Variants in MRC1 observed in about 807,000 individuals in gnomAD.
MRC1 encodes macrophage mannose receptor 1.
MRC1 carries 62 observed loss-of-function variants against 102.9 expected under a neutral mutation model. The observed-to-expected ratio is 0.60, with a 90% confidence interval of 0.49 to 0.74. MRC1 has a LOEUF of 0.74. MRC1 is among the 30% of genes least tolerant of loss of function. MRC1 has a pLI of 0.00. For synonymous variants in MRC1, 457 were observed against 298.4 expected (o/e 1.53, Z -5.48); for missense variants, 1,237 against 862.8 (o/e 1.43, Z -5.43).
chr10:17,876,000 A>AT (rs1833431304), intron 17 of MRC1, among the ~76,000 whole-genome samples: 1 of 152,174 alleles, frequency 6.6e-6, no homozygotes, highest in Non-Finnish European at 1.5e-5. Context: ...TTTGATTTAC[A>AT]TTTCTCTGAT....
intron 1 of MRC1, among the ~76,000 whole-genome samples, chr10:17,811,978 T>G (rs1188844803): frequency 1.3e-5 from 2 of 152,178 alleles, no homozygotes; most frequent in Non-Finnish European, 2.9e-5. Context: ...AGCAGCAGGT[T>G]AAACTATGCG....
rs1833501512 is a variant in MRC1 at position 17,880,686 on chromosome 10, G to A, written c.2865+16G>A. 5.1e-6 allele frequency: 4 copies of A among 780,720 alleles called. No individual in the cohort carries two copies. In the Admixed American group the frequency reaches 6.8e-5, roughly 13 times the overall value. The allele number at this position is 780,720 out of a possible 1,614,324, so 48.4% of individuals were successfully genotyped here. On this transcript the variant is annotated intron_variant, in intron 20 of 29. Coordinates refer to ENST00000569591, the MANE Select transcript of MRC1 (RefSeq NM_002438.4). Reference sequence around the variant, plus strand: ...CAGCAACAAGGTACTAGGAAAATTAGTTGCAATCTTGGCACTGATCAGTAT... The same window carrying A: ...CAGCAACAAGGTACTAGGAAAATTAATTGCAATCTTGGCACTGATCAGTAT...
intron 9 of MRC1, among the ~76,000 whole-genome samples, chr10:17,859,187 C>CT (rs1387071736): frequency 6.6e-6 from 1 of 152,016 alleles, no homozygotes; most frequent in East Asian, 1.9e-4. Flanking sequence ...CTATTTTGAT[C>CT]TTTTGTTATT....
intron 2 of MRC1, 143 bp from the exon 3 acceptor site, chr10:17,827,399 A>ATCCCTCTGTGGGTGC: frequency 3.3e-6 from 1 of 301,934 alleles, no homozygotes; most frequent in Non-Finnish European, 6.2e-6. Flanking sequence ...AAAAAAAAAA[A>ATCCCTCTGTGGGTGC]AAAAAAAAAA....
intron 1 of MRC1, among the ~76,000 whole-genome samples, chr10:17,818,801 G>A (rs1838350811): frequency 6.6e-6 from 1 of 152,128 alleles, no homozygotes; most frequent in Admixed American, 6.6e-5. Flanking sequence ...TCTGTCTCAA[G>A]GAAAGAAAGA....
chr10:17,892,539 G>A (rs1404793909), intron 22 of MRC1, among the ~76,000 whole-genome samples: 11 of 152,146 alleles, frequency 7.2e-5, no homozygotes, highest in South Asian at 2.1e-4. Flanking sequence ...AGCTTTTCTC[G>A]CCATTTTCTT....
At chr10:17,868,163 T>C (rs1011961332) in intron 12 of MRC1, among the ~76,000 whole-genome samples, 12 of 152,332 alleles carry the variant, frequency 7.9e-5, no homozygotes, top group Admixed American at 2.6e-4. Flanking sequence ...TGGAGAAAAT[T>C]AGCCTTAGCC....
Position 17,844,973 on chromosome 10 carries a change from G to A in MRC1, c.917-316G>A, listed in dbSNP as rs546630333. 2.2e-4 allele frequency: 118 copies of A among 538,858 alleles called. 2 individuals are homozygous for A. The highest frequency in any genetic ancestry group is 2.0e-3 in the South Asian group (117 of 59,636). 33.4% of individuals were successfully genotyped at this position (538,858 alleles called of 1,614,324 possible). A position where few individuals can be genotyped will look rare whatever the true frequency, so the allele number is the denominator to read the frequency against. ...TCATTAGGTACCTCTCTTTGATAAT[G>A]TAATCCGTTGTGACAACTGTTCAAG... On this transcript the variant is annotated intron_variant, in intron 5 of 29. Transcript: ENST00000569591.
intron 29 of MRC1, 56 bp from the exon 30 acceptor site, chr10:17,910,159 G>A (rs1160484766): frequency 1.3e-5 from 10 of 779,204 alleles, no homozygotes; most frequent in South Asian, 9.4e-5. Context: ...GTTCTGCATA[G>A]CATGCAACCC....
intron 23 of MRC1, 57 bp downstream of exon 23, chr10:17,894,369 T>A (rs1833722849): frequency 2.5e-6 from 2 of 806,524 alleles, no homozygotes; most frequent in Non-Finnish European, 4.3e-6. Context: ...TTTCCCCACT[T>A]TTTTCTTTCT....
intron 11 of MRC1, 82 bp from the exon 12 acceptor site, chr10:17,866,480 C>T (rs535465418): frequency 3.7e-5 from 29 of 780,236 alleles, no homozygotes; most frequent in South Asian, 2.0e-4. Flanking sequence ...CCCTGATGCT[C>T]GGTTCTGAGT....
intron 8 of MRC1, among the ~76,000 whole-genome samples, chr10:17,855,395 C>T (rs1234188796): frequency 6.6e-6 from 1 of 151,908 alleles, no homozygotes; most frequent in Admixed American, 6.6e-5. Flanking sequence ...CACGGTGAAA[C>T]CCCGTCTCTA....
intron 1 of MRC1, among the ~76,000 whole-genome samples, chr10:17,812,532 TG>T (rs1838239555): frequency 6.7e-6 from 1 of 149,112 alleles, no homozygotes; most frequent in Non-Finnish European, 1.5e-5. Context: ...TTGATGCCCC[TG>T]GGGGCAGAGT....
chr10:17,863,638 T>C lies in MRC1; in HGVS notation c.1739T>C (p.Ile580Thr). ...IQTKGTFQWT[I>T]EEEVRFTHWN... is the part of the protein sequence containing the mutation. ...ACCAAAGGGACTTTTCAGTGGACCA[T>C]CGAGGAAGAGGTTCGGTTCACCCAC... The change falls in exon 11 of 30, where the codon ATC (isoleucine) becomes ACC (threonine). Residue 580 changes from isoleucine (I) to threonine (T), a missense_variant. By Grantham distance (89) the Ile-to-Thr change is moderately conservative. Coordinates refer to ENST00000569591, the MANE Select transcript of MRC1 (RefSeq NM_002438.4). 1 of 780,844 alleles carries C rather than the reference T, an allele frequency of 1.3e-6. No homozygotes were observed. Among genetic ancestry groups the C allele is most frequent in the East Asian group, 2.4e-5 (1 of 41,236 alleles). The allele number at this position is 780,844 out of a possible 1,614,324, so 48.4% of individuals were successfully genotyped here.
chr10:17,907,233 TA>T (rs1325610813), intron 27 of MRC1, among the ~76,000 whole-genome samples: 1 of 152,214 alleles, frequency 6.6e-6, no homozygotes, highest in Admixed American at 6.5e-5. Context: ...TGAGGAGCTT[TA>T]AAAAGCATTT....
At chr10:17,909,756 A>T (rs1833944450) in intron 29 of MRC1, among the ~76,000 whole-genome samples, 1 of 151,106 alleles carries the variant, frequency 6.6e-6, no homozygotes, top group Non-Finnish European at 1.5e-5. Context: ...TGAAAGTGAG[A>T]TTTATGGCTT....
chr10:17,853,762 T>A (rs1833029035), intron 8 of MRC1, among the ~76,000 whole-genome samples: 1 of 152,126 alleles, frequency 6.6e-6, no homozygotes, highest in South Asian at 2.1e-4. Context: ...GGAGCTGTCA[T>A]ATGAAATGAT....
In MRC1 at chr10:17,868,082, A is replaced by T. The variant is rs1833302706; in HGVS notation, c.1983+1321A>T. 2.0e-5 allele frequency among the ~76,000 whole-genome samples: 3 copies of T among 152,324 alleles called. 1 individual carries two copies. In the East Asian group the frequency reaches 5.8e-4, roughly 29 times the overall value. On this transcript the variant is annotated intron_variant, in intron 12 of 29. Transcript: ENST00000569591. Reference sequence around the variant, plus strand: ...GACAAAAAAAGAAACCCAGAAAATAACAAACAAAAACCCCAATGAATTAAG... The same window carrying T: ...GACAAAAAAAGAAACCCAGAAAATATCAAACAAAAACCCCAATGAATTAAG...
chr10:17,845,484 A>T, intron 6 of MRC1, 49 bp downstream of exon 6: 1 of 779,722 alleles, frequency 1.3e-6, no homozygotes, highest in South Asian at 1.3e-5. Flanking sequence ...GAATTGAAAG[A>T]TAAGTAACAT....
Sources: gnomAD v4.1 joint callset for allele counts (sites outside exome capture counted in the v4.1 genomes callset) on GRCh38, gnomAD v4.1.1 for gene constraint, MANE v1.5 for transcripts, NCBI Gene and HGNC (gene_info 2026-07-23, HGNC 2026-07-21) for gene names.